Variants in OMA1 observed in about 807,000 individuals in gnomAD.
OMA1 encodes the protein metalloendopeptidase OMA1, mitochondrial.
In OMA1, 38 loss-of-function variants were observed where a neutral mutation model predicts 30.9. The observed-to-expected ratio is 1.23, with a 90% CI of 0.95 to 1.61. The LOEUF is 1.61. Ranked by LOEUF, OMA1 falls within the 40% of genes most tolerant of loss-of-function variation. The pLI, the probability that OMA1 is intolerant of heterozygous loss-of-function variation, is 0.00. For missense variants in OMA1, 461 were observed against 349.2 expected (o/e 1.32, Z -2.55); for synonymous variants, 173 against 121.9 (o/e 1.42, Z -2.76).
At chr1:58,483,397 G>A (rs541333163) in intron 8 of OMA1, among the ~76,000 whole-genome samples, 9 of 152,280 alleles carry the variant, frequency 5.9e-5, no homozygotes, top group South Asian at 4.1e-4. Context: ...CCAGATAGAC[G>A]TTCTCTAAGT....
At chr1:58,516,939 G>A (rs1646166795) in intron 7 of OMA1, among the ~76,000 whole-genome samples, 1 of 152,120 alleles carries the variant, frequency 6.6e-6, no homozygotes, top group Admixed American at 6.5e-5. Context: ...TAATCAGAAG[G>A]TTGCCTAGGA....
At chr1:58,533,184 G>A (rs1250420055) in intron 5 of OMA1, among the ~76,000 whole-genome samples, 5 of 152,152 alleles carry the variant, frequency 3.3e-5, no homozygotes, top group African/African-American at 4.8e-5. Flanking sequence ...AAGATGAACA[G>A]ACATGTATTC....
intron 8 of OMA1, among the ~76,000 whole-genome samples, chr1:58,495,663 T>C (rs946512067): frequency 6.6e-6 from 1 of 151,978 alleles, no homozygotes. Context: ...CACTGACATA[T>C]TGTCCTATGT....
At chr1:58,544,968 T>TGGGCTCA (rs1553126408) in intron 1 of OMA1, among the ~76,000 whole-genome samples, 1 of 152,152 alleles carries the variant, frequency 6.6e-6, no homozygotes, top group East Asian at 1.9e-4. Flanking sequence ...TTTTAACTCC[T>TGGGCTCA]GGGCTCAACT....
intron 5 of OMA1, 151 bp from the exon 6 acceptor site, chr1:58,530,880 T>C (rs1646424768): frequency 1.7e-6 from 1 of 577,064 alleles, no homozygotes; most frequent in African/African-American, 1.9e-5. Context: ...TCTTTCCGGG[T>C]CTGTTTTTCC....
At chr1:58,523,724 C>G (rs898178961) in intron 7 of OMA1, among the ~76,000 whole-genome samples, 8 of 152,050 alleles carry the variant, frequency 5.3e-5, no homozygotes, top group African/African-American at 7.3e-5. Context: ...ACGGTGAAAC[C>G]CCATCTCTAC....
chr1:58,487,940 C>G (rs997239085), intron 8 of OMA1, among the ~76,000 whole-genome samples: 22 of 152,122 alleles, frequency 1.4e-4, no homozygotes. Context: ...TTTACTTTGT[C>G]TAACTAATCT....
intron 8 of OMA1, among the ~76,000 whole-genome samples, chr1:58,501,554 T>G (rs1645906577): frequency 6.6e-6 from 1 of 152,184 alleles, no homozygotes; most frequent in Admixed American, 6.5e-5. Context: ...GGTTTTCTTC[T>G]TGTTGCTCCT....
In OMA1 at chr1:58,534,043, A is replaced by T. The variant is rs766439360; in HGVS notation, c.921T>A (p.Val307=). Residue 307 remains valine (V), a synonymous_variant, in exon 5 of 9, where the codon GTT becomes GTA. Transcript: ENST00000371226. The part of the protein sequence containing the change: ...AFVLPNGQMF[V]FTGFLNSVTD... ...TTACACTATTTAAAAATCCAGTGAAAACAAACATTTGTCCATTCTGCACCA... is the reference window on the plus strand; with the variant it reads ...TTACACTATTTAAAAATCCAGTGAATACAAACATTTGTCCATTCTGCACCA... The T allele has an allele frequency of 2.3e-6, 2 of 870,756 alleles. No homozygotes were observed. The highest frequency in any genetic ancestry group is 3.4e-5 in the Admixed American group (2 of 58,706). The allele number at this position is 870,756 out of a possible 1,614,324, so 53.9% of individuals were successfully genotyped here.
intron 7 of OMA1, among the ~76,000 whole-genome samples, chr1:58,521,394 T>C (rs1413676904): frequency 6.7e-6 from 1 of 149,204 alleles, no homozygotes; most frequent in African/African-American, 2.5e-5. Flanking sequence ...GAACCACATA[T>C]GAAACCCAAA....
intron 8 of OMA1, among the ~76,000 whole-genome samples, chr1:58,500,735 T>C (rs1645893136): frequency 6.6e-6 from 1 of 152,198 alleles, no homozygotes; most frequent in East Asian, 1.9e-4. Context: ...ATACATTCTA[T>C]CATTCTCCAT....
intron 6 of OMA1, among the ~76,000 whole-genome samples, chr1:58,529,049 A>T (rs545700358): frequency 5.9e-5 from 9 of 152,334 alleles, no homozygotes; most frequent in African/African-American, 1.9e-4. Flanking sequence ...TAATTCTTTT[A>T]ATTTCCTGGC....
chr1:58,529,540 T>C (rs1306520804), intron 6 of OMA1, among the ~76,000 whole-genome samples: 1 of 152,232 alleles, frequency 6.6e-6, no homozygotes, highest in Non-Finnish European at 1.5e-5. Flanking sequence ...CCTTTCAGCA[T>C]TTTCAAAGCA....
intron 1 of OMA1, among the ~76,000 whole-genome samples, chr1:58,545,296 G>A (rs941565900): frequency 1.3e-5 from 2 of 152,118 alleles, no homozygotes; most frequent in African/African-American, 2.4e-5. Flanking sequence ...GAATCCTATT[G>A]ACACAGAAGG....
At chr1:58,489,792 G>A (rs1008595997) in intron 8 of OMA1, among the ~76,000 whole-genome samples, 37 of 152,270 alleles carry the variant, frequency 2.4e-4, no homozygotes, top group Middle Eastern at 3.4e-3. Flanking sequence ...ACCAATATCC[G>A]CTGTTCTGCA....
At chr1:58,489,670 A>G (rs1362593370) in intron 8 of OMA1, among the ~76,000 whole-genome samples, 1 of 152,204 alleles carries the variant, frequency 6.6e-6, no homozygotes, top group Admixed American at 6.5e-5. Flanking sequence ...ACCCCTGAGT[A>G]GCCTAACTGG....
intron 8 of OMA1, among the ~76,000 whole-genome samples, chr1:58,495,349 A>G (rs1424167719): frequency 6.6e-6 from 1 of 152,134 alleles, no homozygotes; most frequent in Non-Finnish European, 1.5e-5. Flanking sequence ...CAGCACACCA[A>G]CATGGCACAT....
chr1:58,511,125 G>A (rs1477403332), intron 7 of OMA1, among the ~76,000 whole-genome samples: 1 of 151,964 alleles, frequency 6.6e-6, no homozygotes, highest in Admixed American at 6.6e-5. Flanking sequence ...CAGAAAAAAC[G>A]ATCCTAAAAT....
intron 7 of OMA1, 61 bp from the exon 8 acceptor site, chr1:58,506,270 A>C: frequency 1.3e-6 from 1 of 764,544 alleles, no homozygotes; most frequent in Non-Finnish European, 2.2e-6. Context: ...TTTAAAAACT[A>C]CTACTTTATT....
Sources: gnomAD v4.1 joint callset for allele counts (sites outside exome capture counted in the v4.1 genomes callset) on GRCh38, gnomAD v4.1.1 for gene constraint, MANE v1.5 for transcripts, NCBI Gene and HGNC (gene_info 2026-07-23, HGNC 2026-07-21) for gene names.